MYRIP: variants seen among roughly 807,000 people sequenced by gnomAD.
The protein encoded by MYRIP is rab effector MyRIP.
A neutral mutation model predicts 98.0 loss-of-function variants in MYRIP; 49 were observed. That is an observed-to-expected ratio of 0.50 (90% CI 0.40 to 0.63). MYRIP has a LOEUF of 0.63. MYRIP is among the 30% of genes least tolerant of loss of function. The pLI is 0.00. For missense variants in MYRIP, 1,004 were observed against 1,058.2 expected (o/e 0.95, Z 0.71); for synonymous variants, 404 against 409.5 (o/e 0.99, Z 0.16).
At chr3:39,820,632 C>A (rs143352382) in intron 1 of MYRIP, among the ~76,000 whole-genome samples, 5 of 152,092 alleles carry the variant, frequency 3.3e-5, no homozygotes, top group Non-Finnish European at 7.4e-5. Context: ...TAGAATGATA[C>A]GTAAATAGTA....
chr3:39,963,833 G>C (rs1559539594), intron 2 of MYRIP, among the ~76,000 whole-genome samples: 1 of 152,040 alleles, frequency 6.6e-6, no homozygotes, highest in Non-Finnish European at 1.5e-5. Context: ...TACTAGTATA[G>C]TGACATATTC....
chr3:40,151,813 G>A (rs1950128702), intron 4 of MYRIP, among the ~76,000 whole-genome samples: 1 of 152,172 alleles, frequency 6.6e-6, no homozygotes. Context: ...CAAAAAGGCT[G>A]TTTCTTTCTA....
At position 40,193,386 on chromosome 3, in the gene MYRIP, T is replaced by C. The variant is rs143200093; in HGVS notation, c.1665+2923T>C. 1.9e-4 allele frequency among the ~76,000 whole-genome samples: 29 copies of C among 152,330 alleles called. No homozygotes were observed. The East Asian group carries it at 4.6e-3, about 24-fold the overall frequency. On this transcript the variant is annotated intron_variant, in intron 10 of 16. Transcript: ENST00000302541. ...ACTCTTCCTGCCTGGTTCAGTGGCT[T>C]CCAACACCTAACTCCTTAACCCCCT...
At chr3:39,846,828 G>C (rs1941978859) in intron 1 of MYRIP, among the ~76,000 whole-genome samples, 2 of 152,080 alleles carry the variant, frequency 1.3e-5, no homozygotes, top group Admixed American at 1.3e-4. Context: ...TTGCAGTGTG[G>C]GCCAGCAGCT....
At chr3:39,928,163 C>A (rs1012879418) in intron 2 of MYRIP, among the ~76,000 whole-genome samples, 1 of 151,888 alleles carries the variant, frequency 6.6e-6, no homozygotes, top group African/African-American at 2.4e-5. Context: ...AGCCTTATAA[C>A]TATTAAAGAA....
chr3:39,967,342 T>C (rs1945466134), intron 2 of MYRIP, among the ~76,000 whole-genome samples: 9 of 152,078 alleles, frequency 5.9e-5, no homozygotes, highest in Admixed American at 5.9e-4. Flanking sequence ...GAACATGTGG[T>C]ATTTGGTTTT....
chr3:40,153,590 T>G (rs1328497360), intron 4 of MYRIP, among the ~76,000 whole-genome samples: 1 of 152,208 alleles, frequency 6.6e-6, no homozygotes, highest in Admixed American at 6.5e-5. Flanking sequence ...ATACATATTT[T>G]TAAAAGCTGC....
chr3:40,003,791 A>G (rs2125788196), intron 2 of MYRIP, among the ~76,000 whole-genome samples: 1 of 152,310 alleles, frequency 6.6e-6, no homozygotes, highest in Non-Finnish European at 1.5e-5. Flanking sequence ...CGAAAAGCTT[A>G]TACTATCACC....
chr3:39,830,276 T>C (rs1337515118), intron 1 of MYRIP, among the ~76,000 whole-genome samples: 2 of 152,184 alleles, frequency 1.3e-5, no homozygotes, highest in Non-Finnish European at 2.9e-5. Context: ...TCCTGATCTT[T>C]ACCTACTCCA....
chr3:39,873,710 G>T (rs1942882640), intron 1 of MYRIP, among the ~76,000 whole-genome samples: 1 of 150,622 alleles, frequency 6.6e-6, no homozygotes, highest in Non-Finnish European at 1.5e-5. Flanking sequence ...CTCTGTTTTG[G>T]TACCAGTACC....
intron 8 of MYRIP, among the ~76,000 whole-genome samples, chr3:40,176,615 G>T (rs1950765897): frequency 6.6e-6 from 1 of 152,012 alleles, no homozygotes; most frequent in African/African-American, 2.4e-5. Flanking sequence ...TTAGTTGGGT[G>T]GGCTGGGCAC....
chr3:40,030,352 G>A (rs1417509817), intron 2 of MYRIP, among the ~76,000 whole-genome samples: 4 of 152,052 alleles, frequency 2.6e-5, no homozygotes, highest in Admixed American at 2.6e-4. Context: ...ACAAGTATTG[G>A]GGAGGATGTG....
intron 11 of MYRIP, among the ~76,000 whole-genome samples, chr3:40,223,267 A>G (rs924688691): frequency 2.0e-5 from 3 of 152,228 alleles, no homozygotes; most frequent in Non-Finnish European, 4.4e-5. Context: ...ATAGTCAAAA[A>G]TAGTTTAGAA....
intron 3 of MYRIP, among the ~76,000 whole-genome samples, chr3:40,109,180 C>G (rs1949111239): frequency 6.6e-6 from 1 of 152,106 alleles, no homozygotes; most frequent in African/African-American, 2.4e-5. Flanking sequence ...CCATGTGGCC[C>G]TTTCTCTTGG....
At chr3:39,936,720 C>T (rs1010004664) in intron 2 of MYRIP, among the ~76,000 whole-genome samples, 2 of 152,140 alleles carry the variant, frequency 1.3e-5, no homozygotes, top group African/African-American at 4.8e-5. Context: ...GTGGAGCTTG[C>T]AGTTCTGGGT....
chr3:40,175,440 C>T (rs930623092), intron 8 of MYRIP, among the ~76,000 whole-genome samples: 1 of 152,224 alleles, frequency 6.6e-6, no homozygotes, highest in Non-Finnish European at 1.5e-5. Context: ...CCTGGACCCT[C>T]CCCTGAACTT....
intron 3 of MYRIP, among the ~76,000 whole-genome samples, chr3:40,123,658 A>C (rs1170698813): frequency 6.6e-6 from 1 of 152,216 alleles, no homozygotes; most frequent in African/African-American, 2.4e-5. Flanking sequence ...ACCAAAGCCT[A>C]AGATCCATTG....
At chr3:40,098,740 T>TTGTGTGTGTG (rs3063561) in intron 3 of MYRIP, among the ~76,000 whole-genome samples, 42,600 of 134,962 alleles carry the variant, frequency 0.32, 7,567 homozygotes, top group Non-Finnish European at 0.4. Context: ...GTCTCTCTCA[T>TTGTGTGTGTG]TGTGTGTGTG....
Position 40,204,040 on chromosome 3 carries a change from T to A in MYRIP, c.1666-5814T>A, listed in dbSNP as rs1245188475. Among the ~76,000 whole-genome samples, 7 of 5,388 alleles carry A rather than the reference T, an allele frequency of 1.3e-3. 1 individual carries two copies. Among genetic ancestry groups the A allele is most frequent in the Admixed American group, 4.5e-3 (1 of 224 alleles). 3.5% of individuals were successfully genotyped at this position (5,388 alleles called of 152,430 possible). On this transcript the variant is annotated intron_variant, in intron 10 of 16. Transcript: ENST00000302541. ...AATATATATTATATATATTATATAT[T>A]ATATATAATATATTTATATATAATA... is the stretch of plus-strand genomic sequence containing the variant.
Sources: gnomAD v4.1 joint callset for allele counts (sites outside exome capture counted in the v4.1 genomes callset) on GRCh38, gnomAD v4.1.1 for gene constraint, MANE v1.5 for transcripts, NCBI Gene and HGNC (gene_info 2026-07-23, HGNC 2026-07-21) for gene names.